Variants in NRXN1 observed in about 807,000 individuals in gnomAD.
NRXN1 encodes neurexin 1.
Under a neutral mutation model 150.9 loss-of-function variants are expected in NRXN1, and 39 were observed. The observed-to-expected ratio is 0.26, with a 90% CI of 0.20 to 0.34. The LOEUF is 0.34. NRXN1 is among the 10% of genes least tolerant of loss of function. The pLI is 1.00. For synonymous variants in NRXN1, 924 were observed against 757.0 expected, an observed-to-expected ratio of 1.22 and a Z score of -3.62; for missense variants, 1,815 against 1,949.9, an observed-to-expected ratio of 0.93 and a Z score of 1.30.
At chr2:50,260,580 T>C (rs2068153445) in intron 17 of NRXN1, among the ~76,000 whole-genome samples, 2 of 149,770 alleles carry the variant, frequency 1.3e-5, no homozygotes, top group South Asian at 2.1e-4. Context: ...CTTTTTTTAA[T>C]GCAAAGCAAA....
intron 2 of NRXN1, among the ~76,000 whole-genome samples, chr2:50,939,140 G>C (rs370275098): frequency 1.3e-4 from 19 of 148,864 alleles, no homozygotes; most frequent in South Asian, 8.5e-4. Flanking sequence ...GAACCTGGGA[G>C]GCAGAGCTTG....
intron 10 of NRXN1, among the ~76,000 whole-genome samples, chr2:50,536,706 G>A (rs764841736): frequency 2.6e-5 from 4 of 152,116 alleles, no homozygotes; most frequent in Admixed American, 6.6e-5. Context: ...CATATTATGC[G>A]TAACTGTATT....
intron 5 of NRXN1, among the ~76,000 whole-genome samples, chr2:50,736,169 AT>A (rs1309536574): frequency 1.3e-5 from 2 of 152,162 alleles, no homozygotes; most frequent in African/African-American, 4.8e-5. Flanking sequence ...TCCCAGCTCC[AT>A]TCTACCATAG....
intron 8 of NRXN1, among the ~76,000 whole-genome samples, chr2:50,602,288 T>C (rs1573742151): frequency 6.6e-6 from 1 of 151,926 alleles, no homozygotes; most frequent in South Asian, 2.1e-4. Context: ...TCCAGGTTGA[T>C]AAATGGAAAA....
At position 50,967,275 on chromosome 2, in the gene NRXN1, T is replaced by A. The variant is rs549370433; in HGVS notation, c.773-41320A>T. Among the ~76,000 whole-genome samples, 6 of 152,096 alleles carry A rather than the reference T, an allele frequency of 3.9e-5. No individual in the cohort carries two copies. The South Asian group carries it at 8.3e-4, about 21-fold the overall frequency. On this transcript the variant is annotated intron_variant, in intron 2 of 22. Transcript: ENST00000401669. ...AAAGACAATATAGATTTATATGAAT[T>A]CTTTTATCATTTTATAACTACATTT...
chr2:50,241,828 TTCA>T (rs1411093313), intron 17 of NRXN1, among the ~76,000 whole-genome samples: 2 of 151,782 alleles, frequency 1.3e-5, no homozygotes, highest in Non-Finnish European at 2.9e-5. Context: ...GTGTGCCCAC[TTCA>T]GCCTCACGTC....
At chr2:51,017,102 CA>C (rs1482848465) in intron 2 of NRXN1, among the ~76,000 whole-genome samples, 2 of 150,874 alleles carry the variant, frequency 1.3e-5, no homozygotes, top group African/African-American at 4.9e-5. Flanking sequence ...TGGGGCCTGT[CA>C]GGGGGTGGGG....
intron 5 of NRXN1, among the ~76,000 whole-genome samples, chr2:50,674,431 C>A (rs1042120941): frequency 2.6e-5 from 4 of 152,112 alleles, no homozygotes; most frequent in Admixed American, 1.3e-4. Flanking sequence ...TCTCTCCATT[C>A]ATTCTTAGGC....
chr2:49,975,568 T>C (rs1467945063), intron 21 of NRXN1, among the ~76,000 whole-genome samples: 1 of 152,186 alleles, frequency 6.6e-6, no homozygotes, highest in Non-Finnish European at 1.5e-5. Context: ...CAATATTGAC[T>C]ATCAGGAAAT....
intron 5 of NRXN1, among the ~76,000 whole-genome samples, chr2:50,730,228 T>A (rs531638616): frequency 4.6e-5 from 7 of 152,312 alleles, no homozygotes; most frequent in African/African-American, 1.7e-4. Context: ...AAATGCTTTT[T>A]ATGTAACATT....
intron 21 of NRXN1, among the ~76,000 whole-genome samples, chr2:49,950,066 C>G (rs558613884): frequency 9.2e-5 from 14 of 151,780 alleles, no homozygotes; most frequent in African/African-American, 3.4e-4. Context: ...GTCCTGATAA[C>G]CTATGGAGCA....
At chr2:49,985,564 A>C (rs1680763667) in intron 21 of NRXN1, among the ~76,000 whole-genome samples, 1 of 152,242 alleles carries the variant, frequency 6.6e-6, no homozygotes, top group Non-Finnish European at 1.5e-5. Flanking sequence ...AGATCAAGCA[A>C]AAACAATGAA....
chr2:50,207,211 T>C (rs2062663972), intron 18 of NRXN1, among the ~76,000 whole-genome samples: 1 of 152,088 alleles, frequency 6.6e-6, no homozygotes, highest in Non-Finnish European at 1.5e-5. Flanking sequence ...ATCTACCTGA[T>C]TTAAAATACA....
chr2:50,235,831 G>A (rs1003896570), intron 18 of NRXN1, among the ~76,000 whole-genome samples: 9 of 151,972 alleles, frequency 5.9e-5, no homozygotes, highest in African/African-American at 2.2e-4. Flanking sequence ...AGACTTACCT[G>A]TTTCTTCTGA....
Position 50,820,640 on chromosome 2 carries a change from T to A in NRXN1, c.832+101229A>T, listed in dbSNP as rs576420299. 2.6e-5 allele frequency among the ~76,000 whole-genome samples: 4 copies of A among 152,300 alleles called. No homozygotes were observed. In the East Asian group the frequency reaches 7.7e-4, roughly 29 times the overall value. On this transcript the variant is annotated intron_variant, in intron 5 of 22. Coordinates refer to ENST00000401669, the MANE Select transcript of NRXN1 (RefSeq NM_001330078.2). ...CCTTTCATCCTCGCTCTACCCTCCA[T>A]CCAGGTGACCCTGGGATGTAGACAG...
chr2:49,974,090 C>A lies in NRXN1; in HGVS notation c.4129-30299G>T, dbSNP rs1384686534. 3 of 716,984 alleles carry A rather than the reference C, an allele frequency of 4.2e-6. No homozygotes were observed. The Admixed American group carries it at 6.0e-5, about 14-fold the overall frequency. 44.4% of individuals were successfully genotyped at this position (716,984 alleles called of 1,614,324 possible). On this transcript the variant is annotated intron_variant, in intron 21 of 22. Coordinates refer to ENST00000401669, the MANE Select transcript of NRXN1 (RefSeq NM_001330078.2). ...TTTAGTCCATCCTCTGAAATCAATA[C>A]TGGTGACAGGAGAGCTCCCTGACTC...
intron 17 of NRXN1, among the ~76,000 whole-genome samples, chr2:50,338,784 T>C (rs2152991024): frequency 6.6e-6 from 1 of 152,218 alleles, no homozygotes; most frequent in South Asian, 2.1e-4. Context: ...GTGAGAGTAC[T>C]GTGTCACGGG....
intron 2 of NRXN1, among the ~76,000 whole-genome samples, chr2:50,977,113 C>G (rs1009887448): frequency 2.0e-5 from 3 of 151,854 alleles, no homozygotes; most frequent in African/African-American, 7.2e-5. Context: ...TTGTGAAGTT[C>G]AATACCTCTT....
At position 50,034,311 on chromosome 2, in the gene NRXN1, C is replaced by T. The variant is rs151033994; in HGVS notation, c.4128+18960G>A. Among the ~76,000 whole-genome samples the T allele has an allele frequency of 5.0e-4, 76 of 152,034 alleles. No homozygotes were observed. In the East Asian group the frequency reaches 0.014, roughly 27 times the overall value. ...TGTACACCATGGAATACTATGCAGC[C>T]ATAAAAAAGAATGAGATCATGTCCT... is the stretch of plus-strand genomic sequence containing the variant. On this transcript the variant is annotated intron_variant, in intron 21 of 22. Coordinates refer to ENST00000401669, the MANE Select transcript of NRXN1 (RefSeq NM_001330078.2).
Sources: gnomAD v4.1 joint callset for allele counts (sites outside exome capture counted in the v4.1 genomes callset) on GRCh38, gnomAD v4.1.1 for gene constraint, MANE v1.5 for transcripts, NCBI Gene and HGNC (gene_info 2026-07-23, HGNC 2026-07-21) for gene names.